The following DPY19L2 variants were observed in gnomAD, a reference collection of about 807,000 sequenced individuals.
DPY19L2 encodes dpy-19 like 2.
DPY19L2 carries 34 observed loss-of-function variants against 97.9 expected under a neutral mutation model. That is an observed-to-expected ratio of 0.35 (90% CI 0.26 to 0.46). DPY19L2 has a LOEUF of 0.46. Among genes scored for constraint, DPY19L2 ranks in the 20% least tolerant of loss-of-function variants. DPY19L2 has a pLI of 1.00. For synonymous variants in DPY19L2, 230 were observed against 307.9 expected, an observed-to-expected ratio of 0.75 and a Z score of 2.65; for missense variants, 623 against 911.4, an observed-to-expected ratio of 0.68 and a Z score of 4.07.
intron 4 of DPY19L2, among the ~76,000 whole-genome samples, chr12:63,655,748 G>GA (rs1255711864): frequency 6.6e-6 from 1 of 151,870 alleles, no homozygotes; most frequent in Non-Finnish European, 1.5e-5. Flanking sequence ...AAGGGTCGGG[G>GA]GGTGGGTTTC....
intron 12 of DPY19L2, among the ~76,000 whole-genome samples, chr12:63,608,285 A>C (rs1381791715): frequency 6.6e-6 from 1 of 152,210 alleles, no homozygotes; most frequent in Non-Finnish European, 1.5e-5. Flanking sequence ...GTTATGTTGA[A>C]GGGAAGGTTA....
chr12:63,599,235 T>C (rs557666717), intron 13 of DPY19L2, among the ~76,000 whole-genome samples: 1 of 149,068 alleles, frequency 6.7e-6, no homozygotes, highest in Admixed American at 6.7e-5. Context: ...CAATGTGAAG[T>C]AAGGCAAGAA....
chr12:63,651,431 T>C (rs143528684), intron 4 of DPY19L2, among the ~76,000 whole-genome samples: 8,313 of 152,094 alleles, frequency 0.055, 264 homozygotes, highest in African/African-American at 0.084. Flanking sequence ...AGCTTCTGCA[T>C]AGCAAAAGAA....
chr12:63,610,333 C>T (rs1428520247), intron 11 of DPY19L2, among the ~76,000 whole-genome samples: 1 of 151,196 alleles, frequency 6.6e-6, no homozygotes, highest in Non-Finnish European at 1.5e-5. Flanking sequence ...ATATCTTCCT[C>T]ATTGAAACAT....
intron 4 of DPY19L2, among the ~76,000 whole-genome samples, chr12:63,660,271 A>T (rs925428682): frequency 6.6e-6 from 1 of 152,078 alleles, no homozygotes; most frequent in African/African-American, 2.4e-5. Context: ...AATTGGAAAT[A>T]ATATATTAAG....
At chr12:63,592,136 CAG>C (rs750830526) in intron 16 of DPY19L2, among the ~76,000 whole-genome samples, 35 of 135,188 alleles carry the variant, frequency 2.6e-4, no homozygotes, top group Non-Finnish European at 2.4e-4. Flanking sequence ...CAAGACAAGA[CAG>C]AGAGAGAGAG....
intron 11 of DPY19L2, among the ~76,000 whole-genome samples, chr12:63,610,841 CAAAAAAAAAAAAAAAA>C (rs56044043): frequency 0.017 from 182 of 10,788 alleles, 2 homozygotes; most frequent in South Asian, 0.16. Flanking sequence ...ATGAATATAG[CAAAAAAAAAAAAAAAA>C]AAAAAAAAAA....
At chr12:63,643,731 T>C (rs1893016104) in intron 6 of DPY19L2, among the ~76,000 whole-genome samples, 1 of 152,146 alleles carries the variant, frequency 6.6e-6, no homozygotes, top group Non-Finnish European at 1.5e-5. Context: ...GCTCTGGGCA[T>C]GACATCCTAG....
intron 6 of DPY19L2, 148 bp downstream of exon 6, chr12:63,644,255 T>C (rs1445784185): frequency 8.5e-6 from 8 of 940,470 alleles, no homozygotes; most frequent in Non-Finnish European, 1.2e-5. Context: ...TTACATGATA[T>C]TGGTTAAGCT....
At chr12:63,597,971 T>C in intron 13 of DPY19L2, 61 bp from the exon 14 acceptor site, 1 of 1,250,696 alleles carries the variant, frequency 8.0e-7, no homozygotes, top group African/African-American at 1.5e-5. Flanking sequence ...CTATAGACAG[T>C]AATACTTTAT....
chr12:63,662,571 T>C (rs1349646823), intron 3 of DPY19L2, among the ~76,000 whole-genome samples: 1 of 152,088 alleles, frequency 6.6e-6, no homozygotes, highest in Non-Finnish European at 1.5e-5. Context: ...TTATCTCCCT[T>C]CATTTTCCCT....
intron 16 of DPY19L2, among the ~76,000 whole-genome samples, chr12:63,592,130 A>G (rs1883195505): frequency 6.8e-6 from 1 of 147,870 alleles, no homozygotes; most frequent in African/African-American, 2.5e-5. Flanking sequence ...GAAAGACAAG[A>G]CAAGACAGAG....
chr12:63,659,546 A>T (rs1895405124), intron 4 of DPY19L2, among the ~76,000 whole-genome samples: 1 of 152,110 alleles, frequency 6.6e-6, no homozygotes, highest in African/African-American at 2.4e-5. Flanking sequence ...AAAAGGAAAA[A>T]GGTAGAGAAC....
chr12:63,629,400 C>T (rs1303544219), intron 6 of DPY19L2, among the ~76,000 whole-genome samples: 11 of 152,038 alleles, frequency 7.2e-5, no homozygotes, highest in South Asian at 2.1e-4. Context: ...AACCAAGGCA[C>T]GAGAACTACA....
chr12:63,602,771 A>C (rs1885390100), intron 12 of DPY19L2, among the ~76,000 whole-genome samples: 1 of 152,110 alleles, frequency 6.6e-6, no homozygotes, highest in African/African-American at 2.4e-5. Context: ...TTAAAAATTG[A>C]GAACCAAGAA....
At chr12:63,609,058 G>A (rs889922660) in intron 11 of DPY19L2, among the ~76,000 whole-genome samples, 7 of 151,900 alleles carry the variant, frequency 4.6e-5, no homozygotes, top group Admixed American at 1.3e-4. Flanking sequence ...CCAAACTGCC[G>A]AATAAAATAT....
chr12:63,592,004 G>GACA (rs1883084851), intron 16 of DPY19L2, among the ~76,000 whole-genome samples: 1 of 5,302 alleles, frequency 1.9e-4, no homozygotes, highest in Non-Finnish European at 4.7e-4. Context: ...GGGAGGGGAA[G>GACA]GGAGGGGAGG....
chr12:63,573,305 A>G (rs1408333035), intron 19 of DPY19L2, among the ~76,000 whole-genome samples: 1 of 152,092 alleles, frequency 6.6e-6, no homozygotes, highest in African/African-American at 2.4e-5. Flanking sequence ...TGCAACTGAC[A>G]TACTGAAGAA....
rs1229622153 is a variant in DPY19L2 at position 63,595,765 on chromosome 12, T to C, written c.1533+201A>G. ...CTTGATACACAGTTGGTGACTGGTA[T>C]GTATCTTTTGAAAGAAAAAATAAGA... is the stretch of plus-strand genomic sequence containing the variant. On this transcript the variant is annotated intron_variant, in intron 15 of 21. Transcript: ENST00000324472. Among the ~76,000 whole-genome samples the C allele has an allele frequency of 3.3e-5, 5 of 152,284 alleles. 1 individual carries two copies. In the Middle Eastern group the frequency reaches 0.01, roughly 311 times the overall value.
Sources: allele counts gnomAD v4.1 joint callset (sites outside exome capture counted in the v4.1 genomes callset), GRCh38; gene constraint gnomAD v4.1.1; transcripts MANE v1.5; gene names NCBI Gene and HGNC (gene_info 2026-07-23, HGNC 2026-07-21).